The following TENM3 variants were observed in gnomAD, a reference collection of about 807,000 sequenced individuals.
TENM3 encodes the protein teneurin transmembrane protein 3.
TENM3 carries 63 observed loss-of-function variants against 255.1 expected under a neutral mutation model. The observed-to-expected ratio is 0.25, with a 90% CI of 0.20 to 0.30. TENM3 has a LOEUF of 0.30. Among genes scored for constraint, TENM3 ranks in the 10% least tolerant of loss-of-function variants. The probability of loss-of-function intolerance (pLI) is 1.00; values close to 1 mark genes in which losing one functional copy is unlikely to be tolerated. For missense variants in TENM3, 2,929 were observed against 3,461.1 expected (o/e 0.85, Z 3.86); for synonymous variants, 1,306 against 1,322.3 (o/e 0.99, Z 0.27).
At chr4:181,895,171 G>A in the TENM3 span, among the ~76,000 whole-genome samples, 5 of 152,032 alleles carry the variant, frequency 3.3e-5, no homozygotes, top group South Asian at 2.1e-4. Flanking sequence ...TAATAAATAC[G>A]TATTAACTGT....
chr4:182,603,574 C>T (rs959340665), intron 4 of TENM3, among the ~76,000 whole-genome samples: 1 of 151,970 alleles, frequency 6.6e-6, no homozygotes, highest in Non-Finnish European at 1.5e-5. Flanking sequence ...CTTTAATAGT[C>T]TCACTTGGTT....
intron 12 of TENM3, among the ~76,000 whole-genome samples, chr4:182,699,497 C>A (rs552130262): frequency 6.6e-6 from 1 of 152,190 alleles, no homozygotes; most frequent in African/African-American, 2.4e-5. Flanking sequence ...CTTAGGGAAA[C>A]AATTTATAAA....
intron 1 of TENM3, among the ~76,000 whole-genome samples, chr4:182,236,546 T>C (rs1264073605): frequency 1.3e-5 from 2 of 152,224 alleles, no homozygotes; most frequent in Admixed American, 6.5e-5. Context: ...TAGTGGACCA[T>C]ACAAACTTGT....
At chr4:182,391,392 A>G (rs1424551567) in intron 3 of TENM3, among the ~76,000 whole-genome samples, 4 of 152,178 alleles carry the variant, frequency 2.6e-5, no homozygotes, top group African/African-American at 9.7e-5. Context: ...TTCCACTTAT[A>G]TATAATTTTT....
the TENM3 span, among the ~76,000 whole-genome samples, chr4:182,100,798 CAT>C: frequency 6.8e-3 from 86 of 12,728 alleles, 24 homozygotes; most frequent in African/African-American, 9.9e-3. Context: ...TATATATACA[CAT>C]ATATATACAC....
the TENM3 span, among the ~76,000 whole-genome samples, chr4:181,692,595 C>A: frequency 6.6e-6 from 1 of 152,080 alleles, no homozygotes; most frequent in Non-Finnish European, 1.5e-5. Flanking sequence ...TTTGGTATTG[C>A]ATTAATTGTA....
chr4:181,878,524 G>A, the TENM3 span, among the ~76,000 whole-genome samples: 1 of 151,906 alleles, frequency 6.6e-6, no homozygotes, highest in African/African-American at 2.4e-5. Flanking sequence ...CAGTGTTTTT[G>A]GTAGTTGATT....
At chr4:182,708,551 G>A (rs1359510292) in intron 12 of TENM3, among the ~76,000 whole-genome samples, 1 of 152,178 alleles carries the variant, frequency 6.6e-6, no homozygotes, top group Non-Finnish European at 1.5e-5. Context: ...TGTAATCCCA[G>A]CACTTTGGGA....
the TENM3 span, among the ~76,000 whole-genome samples, chr4:181,778,205 G>C: frequency 3.9e-5 from 6 of 151,930 alleles, no homozygotes; most frequent in African/African-American, 1.5e-4. Context: ...ATGTAACATA[G>C]CTAAAAATCA....
At position 182,730,904 on chromosome 4, in the gene TENM3, C is replaced by T. The variant is rs1305689965; in HGVS notation, c.2732C>T (p.Ala911Val). ...TTTGACTTGGTGGCAAATGGTGGGG[C>T]CTCTCTAACTTTGGTATTTGAACGA... Reference protein sequence around the residue: ...GMFDLVANGGASLTLVFERSP... With the variant: ...GMFDLVANGGVSLTLVFERSP... Residue 911 changes from alanine (A) to valine (V), a missense_variant, in exon 16 of 28, where the codon GCC becomes GTC. By Grantham distance (64) the Ala-to-Val change is moderately conservative (BLOSUM62 0). Coordinates refer to ENST00000511685, the MANE Select transcript of TENM3 (RefSeq NM_001080477.4). 1.2e-6 allele frequency: 2 copies of T among 1,613,826 alleles called. No homozygotes were observed. Among genetic ancestry groups the T allele is most frequent in the Non-Finnish European group, 1.7e-6 (2 of 1,179,824 alleles).
the TENM3 span, among the ~76,000 whole-genome samples, chr4:181,523,584 C>G: frequency 4.6e-5 from 7 of 152,142 alleles, no homozygotes; most frequent in South Asian, 1.5e-3. Context: ...TGGGATTGTA[C>G]ATTCTCTGGG....
intron 3 of TENM3, among the ~76,000 whole-genome samples, chr4:182,388,101 T>C (rs969432699): frequency 7.2e-5 from 11 of 152,100 alleles, no homozygotes; most frequent in African/African-American, 2.7e-4. Flanking sequence ...CGAATTAGGG[T>C]ATTTTCAACC....
At chr4:181,476,000 G>T in the TENM3 span, among the ~76,000 whole-genome samples, 2 of 152,328 alleles carry the variant, frequency 1.3e-5, no homozygotes, top group East Asian at 3.9e-4. Flanking sequence ...AAGTCAGAAT[G>T]GTGCTGACTG....
chr4:182,791,662 T>G (rs1766112496), intron 25 of TENM3, among the ~76,000 whole-genome samples: 1 of 152,218 alleles, frequency 6.6e-6, no homozygotes, highest in Non-Finnish European at 1.5e-5. Context: ...ATATAATATT[T>G]CTATTAAGGG....
At chr4:181,806,259 C>T in the TENM3 span, among the ~76,000 whole-genome samples, 15 of 152,166 alleles carry the variant, frequency 9.9e-5, no homozygotes, top group Non-Finnish European at 1.9e-4. Flanking sequence ...CCCCAAGGAG[C>T]TGCGTTTACT....
intron 1 of TENM3, among the ~76,000 whole-genome samples, chr4:182,265,476 C>G (rs1030766004): frequency 1.2e-4 from 18 of 152,094 alleles, no homozygotes; most frequent in East Asian, 5.8e-4. Context: ...TGTCTTCTCC[C>G]GTAGTGTTTC....
At chr4:181,501,537 C>A in the TENM3 span, among the ~76,000 whole-genome samples, 4 of 152,072 alleles carry the variant, frequency 2.6e-5, no homozygotes, top group Admixed American at 6.5e-5. Context: ...GCCACCACGT[C>A]TGGCTAATTG....
chr4:182,601,851 A>G (rs1019610580), intron 4 of TENM3, among the ~76,000 whole-genome samples: 1 of 152,190 alleles, frequency 6.6e-6, no homozygotes, highest in African/African-American at 2.4e-5. Context: ...ATACAAAACA[A>G]TTTTGCCCTG....
At chr4:181,917,608 C>T in the TENM3 span, among the ~76,000 whole-genome samples, 4 of 152,040 alleles carry the variant, frequency 2.6e-5, no homozygotes, top group South Asian at 8.3e-4. Flanking sequence ...CAGCTCCTCT[C>T]CCAACTCAGC....
Sources: gnomAD v4.1 joint callset for allele counts (sites outside exome capture counted in the v4.1 genomes callset) on GRCh38, gnomAD v4.1.1 for gene constraint, MANE v1.5 for transcripts, NCBI Gene and HGNC (gene_info 2026-07-23, HGNC 2026-07-21) for gene names.